The following RBFOX1 variants were observed in gnomAD, a reference collection of about 807,000 sequenced individuals.
RBFOX1 encodes the protein RNA binding protein fox-1 homolog 1.
A neutral mutation model predicts 57.7 loss-of-function variants in RBFOX1; 8 were observed. The ratio of observed to expected loss-of-function variants is 0.14; its 90% CI spans 0.08 to 0.25. The LOEUF is 0.25. Ranked by LOEUF, RBFOX1 falls within the 10% of genes least tolerant of loss-of-function variation. The pLI, the probability that RBFOX1 is intolerant of heterozygous loss-of-function variation, is 1.00. For synonymous variants in RBFOX1, 326 were observed against 222.4 expected (o/e 1.47, Z -4.15); for missense variants, 611 against 548.5 (o/e 1.11, Z -1.14).
intron 4 of RBFOX1, among the ~76,000 whole-genome samples, chr16:7,192,055 C>A (rs2085520257): frequency 1.3e-5 from 2 of 152,100 alleles, no homozygotes; most frequent in East Asian, 1.9e-4. Flanking sequence ...TCTATTGATG[C>A]CCTGTCTGTA....
At chr16:6,612,295 A>C (rs1468782218) in intron 2 of RBFOX1, among the ~76,000 whole-genome samples, 1 of 152,194 alleles carries the variant, frequency 6.6e-6, no homozygotes, top group Admixed American at 6.5e-5. Flanking sequence ...TCTCAAAACT[A>C]AGAAACCAAC....
At chr16:6,676,673 C>CTTTTTTTTTTTTTTTTTTTTTTTTCTTTT in intron 3 of RBFOX1, among the ~76,000 whole-genome samples, 1 of 103,550 alleles carries the variant, frequency 9.7e-6, no homozygotes, top group Non-Finnish European at 1.9e-5. Context: ...TTTTTCTTTT[C>CTTTTTTTTTTTTTTTTTTTTTTTTCTTTT]TTTTTTTTTT....
chr16:6,302,968 T>G (rs2079000099), intron 1 of RBFOX1, among the ~76,000 whole-genome samples: 1 of 152,226 alleles, frequency 6.6e-6, no homozygotes, highest in Admixed American at 6.5e-5. Flanking sequence ...ACTTCACATA[T>G]TTTATGTGGG....
At chr16:5,503,911 G>A (rs539908165) in intron 2 of RBFOX1, among the ~76,000 whole-genome samples, 3 of 152,132 alleles carry the variant, frequency 2.0e-5, no homozygotes, top group Middle Eastern at 3.2e-3. Flanking sequence ...TATCTCTACA[G>A]ATTTGCCTGT....
At position 7,684,008 on chromosome 16, in the gene RBFOX1, A is replaced by T. The variant is rs565354198; in HGVS notation, c.995+7170A>T. 8.5e-5 allele frequency among the ~76,000 whole-genome samples: 13 copies of T among 152,248 alleles called. 1 individual carries two copies. In the South Asian group the frequency reaches 2.7e-3, roughly 32 times the overall value. The stretch of plus-strand genomic sequence containing the variant: ...CACTAGGTAGTATACTATGGATGGT[A>T]GTATACTATCTTTCAAGATAAGATG... On this transcript the variant is annotated intron_variant, in intron 14 of 15. Transcript: ENST00000550418.
chr16:7,350,841 C>G (rs938857377), intron 4 of RBFOX1, among the ~76,000 whole-genome samples: 1 of 152,080 alleles, frequency 6.6e-6, no homozygotes, highest in East Asian at 1.9e-4. Flanking sequence ...GTGTCTGTGC[C>G]TGAAGGTCTG....
chr16:6,564,668 T>G (rs2153931990), intron 2 of RBFOX1, among the ~76,000 whole-genome samples: 1 of 152,098 alleles, frequency 6.6e-6, no homozygotes. Flanking sequence ...GAGCTGTTGG[T>G]CAAAACACAC....
chr16:5,960,092 T>C (rs1375915977), intron 4 of RBFOX1, among the ~76,000 whole-genome samples: 1 of 151,946 alleles, frequency 6.6e-6, no homozygotes, highest in African/African-American at 2.4e-5. Flanking sequence ...TCCCAGCTAC[T>C]TAGGAGGCCG....
chr16:5,389,148 G>A (rs1346075539), intron 1 of RBFOX1, among the ~76,000 whole-genome samples: 5 of 151,910 alleles, frequency 3.3e-5, no homozygotes, highest in Non-Finnish European at 4.4e-5. Context: ...CCGAGATCGC[G>A]CCACTGCACT....
At chr16:6,208,128 T>C (rs2097267506) in intron 1 of RBFOX1, among the ~76,000 whole-genome samples, 1 of 152,032 alleles carries the variant, frequency 6.6e-6, no homozygotes, top group African/African-American at 2.4e-5. Context: ...TAGTATATAA[T>C]GAAGTGTAAC....
chr16:5,687,367 T>G (rs1267328664), intron 3 of RBFOX1, among the ~76,000 whole-genome samples: 1 of 152,110 alleles, frequency 6.6e-6, no homozygotes, highest in Non-Finnish European at 1.5e-5. Flanking sequence ...CCCCACCAAT[T>G]AGTGGGTAGC....
At chr16:7,230,514 T>G (rs1282753740) in intron 4 of RBFOX1, among the ~76,000 whole-genome samples, 1 of 152,130 alleles carries the variant, frequency 6.6e-6, no homozygotes, top group Non-Finnish European at 1.5e-5. Context: ...TCAGGCATGA[T>G]GAAGCACTGC....
intron 3 of RBFOX1, among the ~76,000 whole-genome samples, chr16:5,648,425 G>A (rs1040220248): frequency 1.3e-5 from 2 of 152,188 alleles, no homozygotes; most frequent in Non-Finnish European, 2.9e-5. Context: ...ACACTGGGCT[G>A]ACATAGGTTT....
chr16:7,301,590 C>T (rs910477002), intron 4 of RBFOX1, among the ~76,000 whole-genome samples: 1 of 152,064 alleles, frequency 6.6e-6, no homozygotes, highest in Non-Finnish European at 1.5e-5. Flanking sequence ...TTTATTGGGT[C>T]TTTACATAAT....
chr16:7,234,550 C>T (rs1240303672), intron 4 of RBFOX1, among the ~76,000 whole-genome samples: 1 of 151,360 alleles, frequency 6.6e-6, no homozygotes, highest in Non-Finnish European at 1.5e-5. Flanking sequence ...AAGCATTTAA[C>T]CATGAAGTCT....
intron 3 of RBFOX1, among the ~76,000 whole-genome samples, chr16:7,013,943 C>G (rs1386985079): frequency 1.3e-5 from 2 of 152,098 alleles, no homozygotes; most frequent in African/African-American, 4.8e-5. Context: ...CAGATTTGAG[C>G]CACGGCGCTT....
intron 4 of RBFOX1, among the ~76,000 whole-genome samples, chr16:5,884,650 A>T (rs9933288): frequency 0.23 from 34,295 of 151,852 alleles, 4,202 homozygotes; most frequent in African/African-American, 0.29. Flanking sequence ...CTCTCATTCC[A>T]TGTTGGAGTC....
At chr16:5,788,916 C>A (rs531878136) in intron 3 of RBFOX1, among the ~76,000 whole-genome samples, 1 of 152,278 alleles carries the variant, frequency 6.6e-6, no homozygotes, top group African/African-American at 2.4e-5. Context: ...GTAAGGCTTT[C>A]CTGTGTCTCA....
chr16:6,620,754 G>T (rs937462335), intron 2 of RBFOX1, among the ~76,000 whole-genome samples: 1 of 152,160 alleles, frequency 6.6e-6, no homozygotes, highest in Non-Finnish European at 1.5e-5. Context: ...AACTCTGAAA[G>T]AAATGGATAA....
Sources: gnomAD v4.1 joint callset for allele counts (sites outside exome capture counted in the v4.1 genomes callset) on GRCh38, gnomAD v4.1.1 for gene constraint, MANE v1.5 for transcripts, NCBI Gene and HGNC (gene_info 2026-07-23, HGNC 2026-07-21) for gene names.